Variants in MUCL1 observed in about 807,000 individuals in gnomAD.
MUCL1 encodes the protein mucin-like protein 1.
MUCL1 carries 11 observed loss-of-function variants against 9.2 expected under a neutral mutation model. That is an observed-to-expected ratio of 1.19 (90% CI 0.75 to 1.97). MUCL1 has a LOEUF of 1.97. Among genes scored for constraint, MUCL1 ranks in the 30% most tolerant of loss-of-function variants. MUCL1 has a pLI of 0.00. For missense variants in MUCL1, 144 were observed against 110.9 expected, an observed-to-expected ratio of 1.30 and a Z score of -1.34; for synonymous variants, 48 against 40.5, an observed-to-expected ratio of 1.19 and a Z score of -0.71.
At chr12:54,844,021 A>T (rs991422736) in intron 1 of MUCL1, among the ~76,000 whole-genome samples, 2 of 152,170 alleles carry the variant, frequency 1.3e-5, no homozygotes, top group East Asian at 3.9e-4. Flanking sequence ...TTGGTAATTT[A>T]TTGTTTATAA....
At chr12:54,844,019 T>G (rs1243776363) in intron 1 of MUCL1, among the ~76,000 whole-genome samples, 2 of 152,194 alleles carry the variant, frequency 1.3e-5, no homozygotes, top group African/African-American at 4.8e-5. Flanking sequence ...ATTTGGTAAT[T>G]TATTGTTTAT....
At chr12:54,834,100 A>G (rs989533236) in intron 1 of MUCL1, among the ~76,000 whole-genome samples, 6 of 152,126 alleles carry the variant, frequency 3.9e-5, no homozygotes, top group African/African-American at 1.4e-4. Flanking sequence ...TCATTAACCT[A>G]TCTCTTCAGG....
At chr12:54,840,311 C>T (rs1959204669) in intron 1 of MUCL1, among the ~76,000 whole-genome samples, 1 of 152,184 alleles carries the variant, frequency 6.6e-6, no homozygotes, top group Non-Finnish European at 1.5e-5. Flanking sequence ...TAGTAATAAA[C>T]TGGTCATGTG....
chr12:54,848,558 A>G (rs569095411), intron 1 of MUCL1, among the ~76,000 whole-genome samples: 6 of 152,320 alleles, frequency 3.9e-5, no homozygotes, highest in Admixed American at 3.3e-4. Flanking sequence ...ATAAAAGATA[A>G]TAAGTTAATA....
upstream of MUCL1, among the ~76,000 whole-genome samples, chr12:54,851,659 G>A (rs1181381201): frequency 6.6e-6 from 1 of 152,120 alleles, no homozygotes; most frequent in Non-Finnish European, 1.5e-5. Flanking sequence ...TTCTGGCCAG[G>A]GCGATCAGGC....
At chr12:54,848,058 T>A in intron 1 of MUCL1, among the ~76,000 whole-genome samples, 1 of 147,088 alleles carries the variant, frequency 6.8e-6, no homozygotes, top group Admixed American at 6.9e-5. Flanking sequence ...AAATGCAGTA[T>A]CTGAACCCAT....
chr12:54,844,662 A>G (rs1200622497), intron 1 of MUCL1, among the ~76,000 whole-genome samples: 1 of 152,230 alleles, frequency 6.6e-6, no homozygotes, highest in Non-Finnish European at 1.5e-5. Flanking sequence ...AATTTCTCCC[A>G]GCCGTTAATA....
At chr12:54,853,387 AG>A (rs1382436923), upstream of MUCL1, among the ~76,000 whole-genome samples, 1 of 152,090 alleles carries the variant, frequency 6.6e-6, no homozygotes, top group East Asian at 1.9e-4. Flanking sequence ...ATTATGACAA[AG>A]GGCAAGTAGA....
At chr12:54,853,241 G>C (rs1565778372), upstream of MUCL1, among the ~76,000 whole-genome samples, 2 of 152,176 alleles carry the variant, frequency 1.3e-5, no homozygotes, top group Non-Finnish European at 2.9e-5. Context: ...TTAAAATGTA[G>C]AGAATTCCCT....
chr12:54,850,090 C>G (rs972045847), upstream of MUCL1, among the ~76,000 whole-genome samples: 4 of 152,160 alleles, frequency 2.6e-5, no homozygotes, highest in African/African-American at 9.7e-5. Flanking sequence ...GAGGAGGGCT[C>G]TTTATTGTTG....
rs1324694211 is a variant in MUCL1 at position 54,856,659 on chromosome 12, C to A, written c.101-111C>A. The A allele has an allele frequency of 1.0e-5, 14 of 1,401,148 alleles. No homozygotes were observed. In the Middle Eastern group the frequency reaches 5.6e-4, roughly 56 times the overall value. The allele number at this position is 1,401,148 out of a possible 1,614,324, so 86.8% of individuals were successfully genotyped here. The stretch of plus-strand genomic sequence containing the variant: ...GCTAAAGGTAAGACAGAACTGATGA[C>A]AGATTTGCAGAGATGAATTCAGGAT... On this transcript the variant is annotated intron_variant, in intron 2 of 3. Transcript: ENST00000308796.
At chr12:54,855,001 C>G (rs181485428) in intron 1 of MUCL1, 115 bp from the exon 2 acceptor site, 5 of 857,566 alleles carry the variant, frequency 5.8e-6, no homozygotes, top group African/African-American at 3.3e-5. Flanking sequence ...ACTGGTACAC[C>G]AAGGACTGAG....
In MUCL1 at chr12:54,858,319, T is replaced by A; in HGVS notation, c.*77T>A. On this transcript the variant is annotated 3_prime_UTR_variant, in exon 4 of 4. Coordinates refer to ENST00000308796, the MANE Select transcript of MUCL1 (RefSeq NM_058173.3). ...TGTGATTTCATCCAACTACTTACCT[T>A]GCCTACGATATCCCCTTTATCTCTA... 3 of 1,511,124 alleles carry A rather than the reference T, an allele frequency of 2.0e-6. No homozygotes were observed. Among genetic ancestry groups the A allele is most frequent in the Non-Finnish European group, 9.2e-7 (1 of 1,086,574 alleles). The allele number at this position is 1,511,124 out of a possible 1,614,324, so 93.6% of individuals were successfully genotyped here.
At chr12:54,848,178 T>G (rs75347206) in intron 1 of MUCL1, among the ~76,000 whole-genome samples, 1 of 152,004 alleles carries the variant, frequency 6.6e-6, no homozygotes. Context: ...TGGTATATGG[T>G]GAGGAGTGAG....
At chr12:54,835,301 A>G (rs540376816), upstream of MUCL1, among the ~76,000 whole-genome samples, 6 of 152,044 alleles carry the variant, frequency 3.9e-5, no homozygotes, top group Non-Finnish European at 5.9e-5. Flanking sequence ...CAAACAGTAG[A>G]TCTACTTTTT....
Position 54,858,179 on chromosome 12 carries a change from T to G in MUCL1, c.224-14T>G. The G allele has an allele frequency of 6.2e-7, 1 of 1,613,386 alleles. No individual in the cohort carries two copies. Among genetic ancestry groups the G allele is most frequent in the Non-Finnish European group, 8.5e-7 (1 of 1,179,508 alleles). ...TTTGTCGAAGCCCCTTGACAATATTTTTTTCTCTTGCAGTTTTACCCAAAT... is the reference window on the plus strand; with the variant it reads ...TTTGTCGAAGCCCCTTGACAATATTGTTTTCTCTTGCAGTTTTACCCAAAT... On this transcript the variant is annotated splice_polypyrimidine_tract_variant and intron_variant, in intron 3 of 3. Coordinates refer to ENST00000308796, the MANE Select transcript of MUCL1 (RefSeq NM_058173.3).
chr12:54,833,493 A>G (rs79313036), intron 1 of MUCL1, among the ~76,000 whole-genome samples: 10,481 of 152,004 alleles, frequency 0.069, 780 homozygotes, highest in African/African-American at 0.19. Context: ...TTTTTTCCTT[A>G]TGTCAAACAA....
intron 2 of MUCL1, among the ~76,000 whole-genome samples, chr12:54,856,003 G>A (rs1868296290): frequency 6.6e-6 from 1 of 152,184 alleles, no homozygotes; most frequent in Non-Finnish European, 1.5e-5. Flanking sequence ...TCACAAATGT[G>A]GGGCCTGACT....
At chr12:54,835,038 T>C (rs1472098943), upstream of MUCL1, among the ~76,000 whole-genome samples, 1 of 152,162 alleles carries the variant, frequency 6.6e-6, no homozygotes, top group African/African-American at 2.4e-5. Flanking sequence ...CTTAGAATAA[T>C]GGCTTCCAGC....
Sources: allele counts gnomAD v4.1 joint callset (sites outside exome capture counted in the v4.1 genomes callset), GRCh38; gene constraint gnomAD v4.1.1; transcripts MANE v1.5; gene names NCBI Gene and HGNC (gene_info 2026-07-23, HGNC 2026-07-21).